IGFL2: variants seen among roughly 807,000 people sequenced by gnomAD.
IGFL2 encodes the protein IGF like family member 2.
A neutral mutation model predicts 13.9 loss-of-function variants in IGFL2; 7 were observed. That is an observed-to-expected ratio of 0.51 (90% CI 0.29 to 0.95). The LOEUF (loss-of-function observed/expected upper bound fraction) is 0.95. IGFL2 is among the 40% of genes least tolerant of loss of function. IGFL2 has a pLI of 0.08. For missense variants in IGFL2, 138 were observed against 147.8 expected (o/e 0.93, Z 0.34); for synonymous variants, 55 against 55.8 (o/e 0.99, Z 0.07).
At chr19:46,131,271 T>C in the IGFL2 span, among the ~76,000 whole-genome samples, 1 of 152,218 alleles carries the variant, frequency 6.6e-6, no homozygotes, top group Non-Finnish European at 1.5e-5. Flanking sequence ...GTGTAATTTT[T>C]CTAGGTAGTG....
intron 3 of IGFL2, 70 bp from the exon 4 acceptor site, chr19:46,161,000 A>G (rs1974140052): frequency 6.5e-7 from 1 of 1,541,760 alleles, no homozygotes; most frequent in African/African-American, 1.4e-5. Context: ...AATCTCTAGC[A>G]GTTTCTCAAA....
At chr19:46,092,236 T>C in the IGFL2 span, among the ~76,000 whole-genome samples, 1 of 152,164 alleles carries the variant, frequency 6.6e-6, no homozygotes, top group East Asian at 1.9e-4. Flanking sequence ...GATGGCTCAC[T>C]GCACCCTCAA....
At chr19:46,152,084 C>T (rs971200061) in intron 1 of IGFL2, among the ~76,000 whole-genome samples, 49 of 152,048 alleles carry the variant, frequency 3.2e-4, no homozygotes, top group African/African-American at 1.1e-3. Context: ...AATCTTGCAC[C>T]TCTTCTGTTC....
chr19:46,136,823 A>G, the IGFL2 span: 4 of 697,226 alleles, frequency 5.7e-6, no homozygotes, highest in South Asian at 1.4e-5. Flanking sequence ...GAAATCCACT[A>G]AAGTCCTGGT....
downstream of IGFL2, among the ~76,000 whole-genome samples, chr19:46,162,204 G>A (rs758431729): frequency 5.3e-5 from 8 of 152,110 alleles, no homozygotes; most frequent in South Asian, 2.1e-4. Context: ...CTGCCTTTTC[G>A]CTCTAGGTGC....
the IGFL2 span, among the ~76,000 whole-genome samples, chr19:46,090,616 A>G: frequency 6.6e-6 from 1 of 152,208 alleles, no homozygotes; most frequent in Non-Finnish European, 1.5e-5. Context: ...CTGGTACGTG[A>G]TGACAAGCAC....
At chr19:46,081,514 C>T in the IGFL2 span, among the ~76,000 whole-genome samples, 1 of 152,122 alleles carries the variant, frequency 6.6e-6, no homozygotes, top group Non-Finnish European at 1.5e-5. Context: ...TGTTGCAATT[C>T]GTTATTGTGT....
the IGFL2 span, among the ~76,000 whole-genome samples, chr19:46,099,296 G>A: frequency 2.6e-5 from 4 of 152,060 alleles, no homozygotes. Context: ...ATGATTATGT[G>A]TCTTTGGGTT....
chr19:46,187,672 T>A, the IGFL2 span, among the ~76,000 whole-genome samples: 1 of 148,508 alleles, frequency 6.7e-6, no homozygotes, highest in African/African-American at 2.5e-5. Context: ...TTAACCCGTT[T>A]AAGCCTGAGG....
At chr19:46,194,867 T>A in the IGFL2 span, among the ~76,000 whole-genome samples, 352 of 132,948 alleles carry the variant, frequency 2.6e-3, 1 homozygote, top group South Asian at 5.2e-3. Flanking sequence ...TTTTTTTTTT[T>A]TTTTTTTTTT....
the IGFL2 span, chr19:46,120,293 C>T: frequency 6.2e-7 from 1 of 1,610,316 alleles, no homozygotes; most frequent in Non-Finnish European, 8.5e-7. Context: ...CGTCTCTTCT[C>T]CCCTTGTCTG....
chr19:46,118,569 G>T, the IGFL2 span, among the ~76,000 whole-genome samples: 1 of 152,222 alleles, frequency 6.6e-6, no homozygotes, highest in Non-Finnish European at 1.5e-5. Context: ...CAAAGATGTT[G>T]CTCCAGAAAG....
At chr19:46,190,309 G>A in the IGFL2 span, 1 of 152,304 alleles carries the variant, frequency 6.6e-6, no homozygotes, top group Non-Finnish European at 1.5e-5. Context: ...CTGGAAATAG[G>A]CTTTTCTGGG....
At chr19:46,193,701 A>G in the IGFL2 span, among the ~76,000 whole-genome samples, 2 of 152,288 alleles carry the variant, frequency 1.3e-5, no homozygotes, top group Non-Finnish European at 2.9e-5. Flanking sequence ...AAACTGCAAA[A>G]CTTACAGCTG....
intron 1 of IGFL2, among the ~76,000 whole-genome samples, chr19:46,156,635 T>C (rs1000060789): frequency 6.6e-6 from 1 of 152,206 alleles, no homozygotes; most frequent in Admixed American, 6.5e-5. Flanking sequence ...ATGGAACATA[T>C]ATAAAGCAGT....
upstream of IGFL2, among the ~76,000 whole-genome samples, chr19:46,139,887 GTATATGTA>G (rs1360609884): frequency 1.3e-5 from 2 of 151,810 alleles, no homozygotes; most frequent in Non-Finnish European, 2.9e-5. Flanking sequence ...ATTTATATGT[GTATATGTA>G]TATATGTATA....
In IGFL2 at chr19:46,161,157, C is replaced by T; in HGVS notation, c.*69C>T. ...AACATAGGCTAAGGTAATATGTGTA[C>T]CAGTAGAGAAGCCTGAGGAATTTAC... On this transcript the variant is annotated 3_prime_UTR_variant, in exon 4 of 4. Transcript: ENST00000377693. 8.2e-7 allele frequency: 1 copy of T among 1,217,152 alleles called. No individual in the cohort carries two copies. Among genetic ancestry groups the T allele is most frequent in the Non-Finnish European group, 1.2e-6 (1 of 844,456 alleles). 75.4% of individuals were successfully genotyped at this position (1,217,152 alleles called of 1,614,324 possible).
the IGFL2 span, among the ~76,000 whole-genome samples, chr19:46,182,678 C>T: frequency 1.1e-4 from 16 of 152,256 alleles, no homozygotes; most frequent in South Asian, 2.7e-3. Flanking sequence ...CACGTGTCAG[C>T]CACGGTGTTG....
At chr19:46,118,965 C>G in the IGFL2 span, among the ~76,000 whole-genome samples, 1 of 152,040 alleles carries the variant, frequency 6.6e-6, no homozygotes, top group African/African-American at 2.4e-5. Flanking sequence ...GACAGGGAGT[C>G]CAGACTCCCT....
Sources: allele counts gnomAD v4.1 joint callset (sites outside exome capture counted in the v4.1 genomes callset), GRCh38; gene constraint gnomAD v4.1.1; transcripts MANE v1.5; gene names NCBI Gene and HGNC (gene_info 2026-07-23, HGNC 2026-07-21).